TMEM217: variants seen among roughly 807,000 people sequenced by gnomAD.
TMEM217 encodes the protein chromosome 6 open reading frame 128.
For synonymous variants in TMEM217, 76 were observed against 88.3 expected (o/e 0.86, Z 0.78); for missense variants, 204 against 248.8 (o/e 0.82, Z 1.21).
At chr6:37,227,170 G>T (rs1400289711) in intron 1 of TMEM217, among the ~76,000 whole-genome samples, 9 of 152,134 alleles carry the variant, frequency 5.9e-5, no homozygotes, top group African/African-American at 2.2e-4. Context: ...AATCCACTGA[G>T]CCCAGAGACT....
rs911794083 is a variant in TMEM217, at chr6:37,212,246, A to T, written c.*751T>A. The T allele has an allele frequency of 1.7e-5, 6 of 343,358 alleles. No individual in the cohort carries two copies. The East Asian group carries it at 4.6e-4, about 26-fold the overall frequency. The allele number at this position is 343,358 out of a possible 1,614,324, so 21.3% of individuals were successfully genotyped here. ...AAAACAAGTCACACAACACATCTGT[A>T]AAATAATTGATCCGCACAACCTGCC... On this transcript the variant is annotated 3_prime_UTR_variant, in exon 4 of 4. Coordinates refer to the TMEM217 transcript ENST00000336655.
At chr6:37,215,574 A>G (rs1763153864), downstream of TMEM217, among the ~76,000 whole-genome samples, 4 of 19,858 alleles carry the variant, frequency 2.0e-4, no homozygotes, top group African/African-American at 8.9e-4. Flanking sequence ...CTGTCTCAAA[A>G]AAAAAAAAAA....
chr6:37,223,698 G>A (rs554486720), intron 1 of TMEM217, among the ~76,000 whole-genome samples: 3 of 152,086 alleles, frequency 2.0e-5, no homozygotes, highest in Admixed American at 1.3e-4. Context: ...TAGTAGAGAC[G>A]GGGTTTCACC....
At chr6:37,241,745 T>C (rs1373498761) in intron 1 of TMEM217, among the ~76,000 whole-genome samples, 1 of 152,206 alleles carries the variant, frequency 6.6e-6, no homozygotes, top group Non-Finnish European at 1.5e-5. Context: ...ACATTTTGTA[T>C]ATATATAAGC....
chr6:37,215,275 T>C, downstream of TMEM217: 2 of 1,613,454 alleles, frequency 1.2e-6, no homozygotes, highest in African/African-American at 1.3e-5. Context: ...AATATGCTAG[T>C]GTGGAAGCTA....
At chr6:37,212,837 T>C (rs1011817452), downstream of TMEM217, 5 of 1,132,016 alleles carry the variant, frequency 4.4e-6, no homozygotes, top group Admixed American at 9.9e-5. Flanking sequence ...AGCTCCGACT[T>C]TGAGTCCACG....
chr6:37,227,454 TG>T (rs1763901556), intron 1 of TMEM217, among the ~76,000 whole-genome samples: 1 of 152,230 alleles, frequency 6.6e-6, no homozygotes, highest in Non-Finnish European at 1.5e-5. Context: ...TTTTGTTTTT[TG>T]TTTTTGTTTG....
intron 1 of TMEM217, among the ~76,000 whole-genome samples, chr6:37,227,403 C>A (rs1200878412): frequency 6.6e-6 from 1 of 152,178 alleles, no homozygotes; most frequent in East Asian, 1.9e-4. Flanking sequence ...TGCGGCAAAA[C>A]TTCCAAGTGT....
At chr6:37,212,586 T>C (rs1456440097) in exon 4 of TMEM217, 1 of 473,302 alleles carries the variant, frequency 2.1e-6, no homozygotes, top group Non-Finnish European at 4.2e-6. Context: ...GGAGCATGTG[T>C]GAGATTTGGA....
At chr6:37,235,522 C>T (rs180784813) in intron 1 of TMEM217, among the ~76,000 whole-genome samples, 9 of 152,218 alleles carry the variant, frequency 5.9e-5, no homozygotes, top group Admixed American at 2.0e-4. Flanking sequence ...CCCGCCACCA[C>T]GCCTGGCTAA....
intron 1 of TMEM217, among the ~76,000 whole-genome samples, chr6:37,238,454 C>T (rs1367805770): frequency 6.6e-6 from 1 of 152,210 alleles, no homozygotes. Flanking sequence ...AGTCTGCTTT[C>T]TCTCAGGATG....
intron 1 of TMEM217, 61 bp from the exon 2 acceptor site, chr6:37,219,102 G>T: frequency 7.0e-7 from 1 of 1,435,604 alleles, no homozygotes; most frequent in Non-Finnish European, 9.5e-7. Flanking sequence ...AAATTACCAG[G>T]GTTTCTGCCT....
At position 37,219,059 on chromosome 6, in the gene TMEM217, A is replaced by C; in HGVS notation, c.-11-18T>G. 6.3e-7 allele frequency: 1 copy of C among 1,590,760 alleles called. No individual in the cohort carries two copies. Among genetic ancestry groups the C allele is most frequent in the African/African-American group, 1.3e-5 (1 of 74,382 alleles). ...GAGACCTCCTGTGAAGACAAACAAC[A>C]TGAGGGAGAATTCTAGTTCCTGCCA... On this transcript the variant is annotated intron_variant, in intron 1 of 1. Coordinates refer to ENST00000357219, the Ensembl canonical transcript of TMEM217.
chr6:37,212,296 G>A, exon 4 of TMEM217: 1 of 354,124 alleles, frequency 2.8e-6, no homozygotes, highest in South Asian at 2.1e-5. Context: ...ATTCCTCAGT[G>A]CGTAAAACTC....
chr6:37,225,927 C>T (rs116304158), intron 1 of TMEM217, among the ~76,000 whole-genome samples: 272 of 152,306 alleles, frequency 1.8e-3, no homozygotes, highest in East Asian at 6.2e-3. Context: ...TGATCTATGA[C>T]CTACCCTATC....
rs373498586 is a variant in TMEM217, at chr6:37,230,023, T to A, written c.-11-10982A>T. 2.0e-5 allele frequency among the ~76,000 whole-genome samples: 3 copies of A among 152,342 alleles called. No individual in the cohort carries two copies. The East Asian group carries it at 5.8e-4, about 29-fold the overall frequency. ...TGTTGGCTGAATTCGTTTCCTTGCA[T>A]TTGTAGAACAAAGATCCCTACTTCC... On this transcript the variant is annotated intron_variant, in intron 1 of 1. Transcript: ENST00000357219.
chr6:37,257,924 G>T lies in TMEM217; in HGVS notation c.-368C>A, dbSNP rs773477673. 23 of 1,613,822 alleles carry T rather than the reference G, an allele frequency of 1.4e-5. No homozygotes were observed. The South Asian group carries it at 2.2e-4, about 15-fold the overall frequency. On this transcript the variant is annotated 5_prime_UTR_variant, in exon 1 of 2. Transcript: ENST00000357219. ...ACTTCCCCCGGCCAGAGCAATGGCC[G>T]CTGAGAACAGCAAGCAGTTTTGGAA...
At chr6:37,216,359 G>A (rs376340178), downstream of TMEM217, among the ~76,000 whole-genome samples, 30 of 152,242 alleles carry the variant, frequency 2.0e-4, no homozygotes, top group East Asian at 4.6e-3. Context: ...GATTACAGAC[G>A]TGAGCCCCTG....
intron 1 of TMEM217, among the ~76,000 whole-genome samples, chr6:37,235,763 C>T (rs1461185546): frequency 6.6e-6 from 1 of 152,196 alleles, no homozygotes; most frequent in Non-Finnish European, 1.5e-5. Context: ...AAGATGACGC[C>T]TTGTTGCTGT....
Sources: gnomAD v4.1 joint callset for allele counts (sites outside exome capture counted in the v4.1 genomes callset) on GRCh38, gnomAD v4.1.1 for gene constraint, MANE v1.5 for transcripts, NCBI Gene and HGNC (gene_info 2026-07-23, HGNC 2026-07-21) for gene names.